ARAP2: variants seen among roughly 807,000 people sequenced by gnomAD.
ARAP2 encodes ArfGAP with RhoGAP domain, ankyrin repeat and PH domain 2, also known as arf-GAP with Rho-GAP domain, ANK repeat and PH domain-containing protein 2.
A neutral mutation model predicts 194.5 loss-of-function variants in ARAP2; 148 were observed. The observed-to-expected ratio is 0.76, with a 90% CI of 0.67 to 0.87. The LOEUF is 0.87. Among genes scored for constraint, ARAP2 ranks in the 40% least tolerant of loss-of-function variants. The pLI, the probability that ARAP2 is intolerant of heterozygous loss-of-function variation, is 0.00. For missense variants in ARAP2, 2,128 were observed against 1,989.7 expected (o/e 1.07, Z -1.32); for synonymous variants, 695 against 683.5 (o/e 1.02, Z -0.26).
rs111361755 is a variant in ARAP2 at position 36,178,132 on chromosome 4, A to T, written c.1679-127T>A. 86 of 777,912 alleles carry T rather than the reference A, an allele frequency of 1.1e-4. 2 individuals are homozygous for T. The African/African-American group carries it at 1.1e-3, about 10-fold the overall frequency. The allele number at this position is 777,912 out of a possible 1,614,324, so 48.2% of individuals were successfully genotyped here. A position where few individuals can be genotyped will look rare whatever the true frequency, so the allele number is the denominator to read the frequency against. On this transcript the variant is annotated intron_variant, in intron 8 of 32. Transcript: ENST00000303965. ...AGATTCTTTCCCACAACCACAATCTAAATGCTACTGTAAACAGAGCCAATG... is the reference window on the plus strand; with the variant it reads ...AGATTCTTTCCCACAACCACAATCTTAATGCTACTGTAAACAGAGCCAATG...
At chr4:36,095,600 C>G (rs1714943432) in intron 27 of ARAP2, among the ~76,000 whole-genome samples, 1 of 152,116 alleles carries the variant, frequency 6.6e-6, no homozygotes, top group Admixed American at 6.6e-5. Context: ...GCTCCTTTAA[C>G]AGCAATTGTA....
In ARAP2 at chr4:36,147,206, A is replaced by T; in HGVS notation, c.3263+90T>A. The T allele has an allele frequency of 4.3e-6, 5 of 1,150,620 alleles. No individual in the cohort carries two copies. The South Asian group carries it at 5.4e-5, about 13-fold the overall frequency. 71.3% of individuals were successfully genotyped at this position (1,150,620 alleles called of 1,614,324 possible). On this transcript the variant is annotated intron_variant, in intron 19 of 32. Coordinates refer to ENST00000303965, the MANE Select transcript of ARAP2 (RefSeq NM_015230.4). Reference sequence around the variant, plus strand: ...AGAAAATTTCAACAGGTTTTAAAATATTGTTTTCTCCCTCAAGATAATAAC... The same window carrying T: ...AGAAAATTTCAACAGGTTTTAAAATTTTGTTTTCTCCCTCAAGATAATAAC...
chr4:36,192,458 T>C (rs564719021), intron 7 of ARAP2, among the ~76,000 whole-genome samples: 2 of 152,080 alleles, frequency 1.3e-5, no homozygotes, highest in African/African-American at 4.8e-5. Context: ...ACACAGTTAC[T>C]AGAAATTATC....
intron 1 of ARAP2, among the ~76,000 whole-genome samples, chr4:36,060,052 T>C (rs1289438935): frequency 6.6e-6 from 1 of 152,158 alleles, no homozygotes; most frequent in African/African-American, 2.4e-5. Flanking sequence ...TCCTCCCCAG[T>C]GAGATATAAA....
intron 8 of ARAP2, among the ~76,000 whole-genome samples, chr4:36,180,060 G>A (rs1435303112): frequency 6.6e-6 from 1 of 152,090 alleles, no homozygotes; most frequent in Admixed American, 6.5e-5. Context: ...AACATTTGAG[G>A]TCAGGAGCTC....
intron 15 of ARAP2, among the ~76,000 whole-genome samples, chr4:36,151,823 C>CAT (rs374332889): frequency 1.8e-3 from 275 of 151,872 alleles, no homozygotes; most frequent in African/African-American, 6.3e-3. Context: ...TATACATAGG[C>CAT]ATATATATAC....
intron 2 of ARAP2, among the ~76,000 whole-genome samples, chr4:36,228,115 G>A (rs2109335837): frequency 6.6e-6 from 1 of 152,272 alleles, no homozygotes; most frequent in Middle Eastern, 3.4e-3. Context: ...CGAGCACAGT[G>A]ACTAAAGACC....
At chr4:36,016,706 C>A (rs192040435) in intron 6 of ARAP2, among the ~76,000 whole-genome samples, 1 of 152,104 alleles carries the variant, frequency 6.6e-6, no homozygotes, top group African/African-American at 2.4e-5. Flanking sequence ...CATGATCATG[C>A]GTTACGTTAA....
At chr4:36,077,926 T>C (rs752094957) in intron 31 of ARAP2, among the ~76,000 whole-genome samples, 2 of 152,104 alleles carry the variant, frequency 1.3e-5, no homozygotes, top group Non-Finnish European at 2.9e-5. Flanking sequence ...ACCCCTCTCA[T>C]TTCAGACTGG....
chr4:36,018,440 A>C lies in ARAP2; in HGVS notation n.750+704T>G, dbSNP rs1038705259. Among the ~76,000 whole-genome samples, 2 of 62,324 alleles carry C rather than the reference A, an allele frequency of 3.2e-5. 1 individual carries two copies. Among genetic ancestry groups the C allele is most frequent in the Admixed American group, 4.5e-4 (2 of 4,400 alleles). 40.9% of individuals were successfully genotyped at this position (62,324 alleles called of 152,430 possible). On this transcript the variant is annotated intron_variant and non_coding_transcript_variant, in intron 6 of 12. Transcript: ENST00000503225. ...ACAGAATATGAGAGACAACTCACTC[A>C]ATATCTCAAAAAAAAAAAAAAAAAC...
At chr4:36,160,402 G>C in intron 13 of ARAP2, 57 bp downstream of exon 13, 2 of 1,376,578 alleles carry the variant, frequency 1.5e-6, no homozygotes, top group Non-Finnish European at 1.9e-6. Context: ...CAAGAATCTT[G>C]GCACATCATT....
chr4:36,155,995 T>C (rs1732192247), intron 15 of ARAP2, among the ~76,000 whole-genome samples: 2 of 152,032 alleles, frequency 1.3e-5, no homozygotes, highest in South Asian at 2.1e-4. Flanking sequence ...TTTTTAAAGA[T>C]AATTGGCTGG....
intron 11 of ARAP2, among the ~76,000 whole-genome samples, chr4:36,161,860 G>A (rs1251037360): frequency 1.3e-5 from 2 of 150,496 alleles, no homozygotes; most frequent in Non-Finnish European, 3.0e-5. Context: ...TGTAATCCCA[G>A]CACTTTGGAA....
At chr4:36,103,212 T>G (rs1453323408) in intron 27 of ARAP2, among the ~76,000 whole-genome samples, 1 of 151,822 alleles carries the variant, frequency 6.6e-6, no homozygotes, top group Non-Finnish European at 1.5e-5. Flanking sequence ...TACAGCAATC[T>G]AAACTTAGAA....
chr4:36,139,888 A>G (rs113001164), intron 19 of ARAP2, among the ~76,000 whole-genome samples: 2,453 of 151,750 alleles, frequency 0.016, 39 homozygotes, highest in Non-Finnish European at 0.027. Context: ...TAAATTCAAT[A>G]GAAAATACTA....
intron 16 of ARAP2, among the ~76,000 whole-genome samples, chr4:36,148,838 T>C (rs569575846): frequency 1.3e-5 from 2 of 152,294 alleles, no homozygotes; most frequent in African/African-American, 4.8e-5. Flanking sequence ...TGATTTACTC[T>C]GACCAACTGT....
chr4:36,159,037 A>G (rs1230137525), intron 14 of ARAP2, among the ~76,000 whole-genome samples, 173 bp from the exon 15 acceptor site: 1 of 152,238 alleles, frequency 6.6e-6, no homozygotes, highest in Non-Finnish European at 1.5e-5. Context: ...TAAGCACTTA[A>G]GTCATATTTA....
intron 5 of ARAP2, among the ~76,000 whole-genome samples, chr4:36,043,501 T>C (rs1471288665): frequency 6.6e-6 from 1 of 152,144 alleles, no homozygotes; most frequent in Non-Finnish European, 1.5e-5. Context: ...AGATTGCAAG[T>C]AACAGAAAAC....
intron 1 of ARAP2, among the ~76,000 whole-genome samples, chr4:36,235,389 T>A (rs1172357476): frequency 6.6e-6 from 1 of 152,222 alleles, no homozygotes; most frequent in Non-Finnish European, 1.5e-5. Flanking sequence ...TACCTCTTGA[T>A]CTTGTCTCTT....
Sources: gnomAD v4.1 joint callset for allele counts (sites outside exome capture counted in the v4.1 genomes callset) on GRCh38, gnomAD v4.1.1 for gene constraint, MANE v1.5 for transcripts, NCBI Gene and HGNC (gene_info 2026-07-23, HGNC 2026-07-21) for gene names.